The following BICDL1 variants were observed in gnomAD, a reference collection of about 807,000 sequenced individuals.
BICDL1 encodes the protein BICD family like cargo adaptor 1, also known as BICD family-like cargo adapter 1.
A neutral mutation model predicts 76.8 loss-of-function variants in BICDL1; 20 were observed. The ratio of observed to expected loss-of-function variants is 0.26; its 90% CI spans 0.18 to 0.38. The LOEUF (loss-of-function observed/expected upper bound fraction) is 0.38. Ranked by LOEUF, BICDL1 falls within the 10% of genes least tolerant of loss-of-function variation. The pLI is 1.00. For synonymous variants in BICDL1, 383 were observed against 337.1 expected (o/e 1.14, Z -1.49); for missense variants, 700 against 798.6 (o/e 0.88, Z 1.49).
intron 2 of BICDL1, among the ~76,000 whole-genome samples, chr12:120,031,203 C>CT (rs140797711): frequency 0.012 from 1,534 of 130,834 alleles, 17 homozygotes; most frequent in Non-Finnish European, 0.016. Context: ...TAACATGTTC[C>CT]TTTTTTTTTT....
In BICDL1 at chr12:120,045,128, C is replaced by A. The variant is rs72656926; in HGVS notation, c.646-16582C>A. On this transcript the variant is annotated intron_variant, in intron 2 of 9. Coordinates refer to ENST00000548673, the MANE Select transcript of BICDL1 (RefSeq NM_001367886.1). The stretch of plus-strand genomic sequence containing the variant: ...GCGAAGGACATAAACAGACACTTCT[C>A]AAAAGAAGACATTTATGCAGCCAAA... Among the ~76,000 whole-genome samples the A allele has an allele frequency of 8.8e-3, 1,332 of 152,200 alleles. 13 individuals carry two copies. Among genetic ancestry groups the A allele is most frequent in the Non-Finnish European group, 0.011 (762 of 67,986 alleles).
chr12:119,990,320 G>A (rs1951491337), intron 1 of BICDL1, 23 bp downstream of exon 1: 1 of 1,550,554 alleles, frequency 6.4e-7, no homozygotes, highest in Non-Finnish European at 8.7e-7. Flanking sequence ...CTCCAGGGAT[G>A]GGTGGGGAGC....
chr12:120,021,048 C>T (rs1393389191), intron 2 of BICDL1, among the ~76,000 whole-genome samples: 1 of 152,162 alleles, frequency 6.6e-6, no homozygotes, highest in Non-Finnish European at 1.5e-5. Flanking sequence ...TTTGGGAGGC[C>T]AAGGCAGGCA....
At chr12:119,990,407 C>G in intron 1 of BICDL1, 110 bp downstream of exon 1, 1 of 1,494,290 alleles carries the variant, frequency 6.7e-7, no homozygotes, top group Non-Finnish European at 8.9e-7. Context: ...CACCCTACCT[C>G]GCAGAAAATC....
At chr12:120,046,381 C>G (rs79690780) in intron 2 of BICDL1, among the ~76,000 whole-genome samples, 3,537 of 152,298 alleles carry the variant, frequency 0.023, 147 homozygotes, top group African/African-American at 0.081. Context: ...GTTATTAGAG[C>G]TGGCTTATAA....
chr12:120,084,044 C>T (rs1874205254), intron 8 of BICDL1, among the ~76,000 whole-genome samples: 1 of 151,970 alleles, frequency 6.6e-6, no homozygotes, highest in Non-Finnish European at 1.5e-5. Flanking sequence ...CACTCAGTCA[C>T]CCAGGTGGAG....
At chr12:120,066,976 C>G (rs1250209793) in intron 4 of BICDL1, among the ~76,000 whole-genome samples, 4 of 152,234 alleles carry the variant, frequency 2.6e-5, no homozygotes, top group African/African-American at 9.6e-5. Context: ...CTGTCACAAC[C>G]AGGGGAGCCC....
At chr12:120,059,352 C>G (rs189187505) in intron 2 of BICDL1, among the ~76,000 whole-genome samples, 3 of 152,198 alleles carry the variant, frequency 2.0e-5, no homozygotes, top group East Asian at 3.9e-4. Context: ...TCACTGCAAC[C>G]TCCACCTCCC....
chr12:120,052,577 T>C (rs761128189), intron 2 of BICDL1, among the ~76,000 whole-genome samples: 1 of 152,190 alleles, frequency 6.6e-6, no homozygotes, highest in East Asian at 1.9e-4. Context: ...GACTGCTTGG[T>C]TAAGGTAGTG....
intron 1 of BICDL1, among the ~76,000 whole-genome samples, chr12:119,997,808 A>G (rs1951680767): frequency 6.6e-6 from 1 of 152,056 alleles, no homozygotes; most frequent in African/African-American, 2.4e-5. Context: ...CTCCAAAGGA[A>G]GCCTCCTTAA....
chr12:120,082,687 A>G (rs1208217845), intron 8 of BICDL1, among the ~76,000 whole-genome samples: 1 of 151,884 alleles, frequency 6.6e-6, no homozygotes, highest in Non-Finnish European at 1.5e-5. Context: ...GGCTCAAGTG[A>G]TCTTCCCTCC....
At chr12:120,064,448 T>C (rs963296776) in intron 3 of BICDL1, among the ~76,000 whole-genome samples, 3 of 151,702 alleles carry the variant, frequency 2.0e-5, no homozygotes, top group Admixed American at 6.6e-5. Context: ...TTTTATCTTA[T>C]CTCTGGAATT....
At chr12:120,052,333 C>G (rs1296727561) in intron 2 of BICDL1, among the ~76,000 whole-genome samples, 1 of 145,474 alleles carries the variant, frequency 6.9e-6, no homozygotes, top group African/African-American at 2.6e-5. Flanking sequence ...CTCTCTTTCT[C>G]TGTTTCTCTT....
chr12:120,068,131 A>G (rs1872789063), intron 4 of BICDL1, among the ~76,000 whole-genome samples: 1 of 152,224 alleles, frequency 6.6e-6, no homozygotes, highest in Non-Finnish European at 1.5e-5. Flanking sequence ...TGAGAACTAT[A>G]GAGCTCCAAG....
chr12:120,060,892 C>T (rs1211451309), intron 2 of BICDL1, among the ~76,000 whole-genome samples: 1 of 152,134 alleles, frequency 6.6e-6, no homozygotes, highest in Non-Finnish European at 1.5e-5. Flanking sequence ...GTGATCTCTC[C>T]CGAGAGAACC....
intron 1 of BICDL1, chr12:119,992,766 A>G (rs1951551316): frequency 6.6e-6 from 1 of 151,298 alleles, no homozygotes; most frequent in Non-Finnish European, 1.5e-5. Context: ...ACTTGACCAG[A>G]AAAAAAAAAT....
chr12:120,022,282 G>T (rs1023451343), intron 2 of BICDL1, among the ~76,000 whole-genome samples: 5 of 150,954 alleles, frequency 3.3e-5, no homozygotes, highest in African/African-American at 9.7e-5. Context: ...AATTGAAAGA[G>T]CCTGGGCACA....
chr12:119,993,992 A>G (rs1380154750), intron 1 of BICDL1, among the ~76,000 whole-genome samples: 1 of 152,210 alleles, frequency 6.6e-6, no homozygotes, highest in Non-Finnish European at 1.5e-5. Flanking sequence ...TAAAACTTAT[A>G]TCCGGTCATG....
At chr12:120,077,117 G>A (rs1873611357) in intron 7 of BICDL1, among the ~76,000 whole-genome samples, 2 of 152,260 alleles carry the variant, frequency 1.3e-5, no homozygotes, top group African/African-American at 4.8e-5. Context: ...CTCTGAGCCT[G>A]TCACCTGAGA....
Sources: gnomAD v4.1 joint callset for allele counts (sites outside exome capture counted in the v4.1 genomes callset) on GRCh38, gnomAD v4.1.1 for gene constraint, MANE v1.5 for transcripts, NCBI Gene and HGNC (gene_info 2026-07-23, HGNC 2026-07-21) for gene names.